The following LINGO2 variants were observed in gnomAD, a reference collection of about 807,000 sequenced individuals.
The protein encoded by LINGO2 is leucine-rich repeat and immunoglobulin-like domain-containing nogo receptor-interacting protein 2.
LINGO2 carries 14 observed loss-of-function variants against 30.6 expected under a neutral mutation model. That is an observed-to-expected ratio of 0.46 (90% CI 0.30 to 0.72). The LOEUF is 0.72. Among genes scored for constraint, LINGO2 ranks in the 30% least tolerant of loss-of-function variants. The pLI, the probability that LINGO2 is intolerant of heterozygous loss-of-function variation, is 0.07. For synonymous variants in LINGO2, 317 were observed against 288.5 expected (o/e 1.10, Z -1.00); for missense variants, 729 against 751.7 (o/e 0.97, Z 0.35).
chr9:28,478,593 T>C (rs952988755), intron 1 of LINGO2, among the ~76,000 whole-genome samples: 1 of 152,224 alleles, frequency 6.6e-6, no homozygotes, highest in Non-Finnish European at 1.5e-5. Context: ...TCCTATTGTA[T>C]ATTTCTGTGT....
At chr9:28,672,505 C>G (rs1829061530), upstream of LINGO2, among the ~76,000 whole-genome samples, 1 of 152,162 alleles carries the variant, frequency 6.6e-6, no homozygotes, top group South Asian at 2.1e-4. Flanking sequence ...ACTTTGCCAC[C>G]ATTGGCTTAC....
At chr9:28,956,573 TCC>T in the LINGO2 span, among the ~76,000 whole-genome samples, 1 of 37,884 alleles carries the variant, frequency 2.6e-5, no homozygotes, top group Admixed American at 3.2e-4. Context: ...CCTTCCTTCC[TCC>T]ATCCCTCCCT....
At chr9:28,191,892 A>C (rs1468690395) in intron 4 of LINGO2, among the ~76,000 whole-genome samples, 2 of 152,056 alleles carry the variant, frequency 1.3e-5, no homozygotes, top group Non-Finnish European at 2.9e-5. Context: ...TGACCACTAA[A>C]TCTGCCCAGT....
the LINGO2 span, among the ~76,000 whole-genome samples, chr9:29,055,940 G>GTATATATATATATGTGTGTATATA: frequency 4.2e-5 from 5 of 119,980 alleles, no homozygotes; most frequent in Admixed American, 8.3e-5. Flanking sequence ...ATGTGTGTGT[G>GTATATATATATATGTGTGTATATA]TATATATACA....
the LINGO2 span, among the ~76,000 whole-genome samples, chr9:28,676,997 A>G: frequency 6.6e-6 from 1 of 152,272 alleles, no homozygotes; most frequent in East Asian, 1.9e-4. Context: ...GTCTTGTACA[A>G]CATTAGCAAA....
the LINGO2 span, among the ~76,000 whole-genome samples, chr9:29,168,808 C>T: frequency 6.6e-6 from 1 of 152,162 alleles, no homozygotes; most frequent in Non-Finnish European, 1.5e-5. Flanking sequence ...TGTGATATCT[C>T]CCACAGGAAA....
intron 4 of LINGO2, among the ~76,000 whole-genome samples, chr9:28,207,988 G>A (rs911731809): frequency 6.6e-6 from 1 of 151,842 alleles, no homozygotes; most frequent in Non-Finnish European, 1.5e-5. Context: ...CTGCTTTTTG[G>A]CTTATGTGAA....
chr9:28,807,806 A>G, the LINGO2 span, among the ~76,000 whole-genome samples: 2 of 152,178 alleles, frequency 1.3e-5, no homozygotes, highest in East Asian at 3.9e-4. Flanking sequence ...TTATCAATTT[A>G]CCAATTTATT....
chr9:28,217,598 C>T (rs1359227816), intron 4 of LINGO2, among the ~76,000 whole-genome samples: 1 of 151,860 alleles, frequency 6.6e-6, no homozygotes, highest in Non-Finnish European at 1.5e-5. Flanking sequence ...ATGTTTTCTT[C>T]ATATTTTTCT....
At chr9:27,984,192 C>G (rs1399483045) in intron 5 of LINGO2, among the ~76,000 whole-genome samples, 12 of 151,782 alleles carry the variant, frequency 7.9e-5, no homozygotes, top group Admixed American at 7.9e-4. Context: ...TTCTTGGTTG[C>G]CTGGGTTGTA....
chr9:29,014,064 AT>A, the LINGO2 span, among the ~76,000 whole-genome samples: 3 of 151,330 alleles, frequency 2.0e-5, no homozygotes, highest in Non-Finnish European at 2.9e-5. Flanking sequence ...AAATCCATTC[AT>A]TTTTTTTCTG....
chr9:29,079,556 T>C, the LINGO2 span, among the ~76,000 whole-genome samples: 3 of 152,006 alleles, frequency 2.0e-5, no homozygotes, highest in Admixed American at 1.3e-4. Context: ...AGTAGGCCAA[T>C]ATCATATATT....
the LINGO2 span, among the ~76,000 whole-genome samples, chr9:29,158,680 C>T: frequency 1.8e-4 from 27 of 152,260 alleles, no homozygotes; most frequent in East Asian, 5.2e-3. Context: ...GCCATTACCA[C>T]ATTTTTCCCA....
chr9:28,764,507 G>A, the LINGO2 span, among the ~76,000 whole-genome samples: 1 of 151,872 alleles, frequency 6.6e-6, no homozygotes, highest in African/African-American at 2.4e-5. Context: ...AATTACCCCA[G>A]CACAGTAAAG....
chr9:28,720,400 C>T, the LINGO2 span, among the ~76,000 whole-genome samples: 8 of 152,012 alleles, frequency 5.3e-5, no homozygotes, highest in Non-Finnish European at 1.2e-4. Context: ...GCTTTTCTAA[C>T]CTCCTTTGCA....
chr9:28,689,577 G>A, the LINGO2 span, among the ~76,000 whole-genome samples: 1 of 152,072 alleles, frequency 6.6e-6, no homozygotes, highest in African/African-American at 2.4e-5. Context: ...GTAAGGTTGT[G>A]GAGAAAAAGG....
chr9:28,422,343 G>T (rs1823229103), intron 2 of LINGO2, among the ~76,000 whole-genome samples: 1 of 151,860 alleles, frequency 6.6e-6, no homozygotes, highest in Non-Finnish European at 1.5e-5. Context: ...CTGATTTTTT[G>T]AAAGAATGGG....
the LINGO2 span, among the ~76,000 whole-genome samples, chr9:29,147,762 T>C: frequency 6.6e-6 from 1 of 152,114 alleles, no homozygotes; most frequent in South Asian, 2.1e-4. Flanking sequence ...TATAGCTATA[T>C]TGTTCATTAC....
intron 1 of LINGO2, among the ~76,000 whole-genome samples, chr9:28,482,034 T>C (rs1825991772): frequency 1.3e-5 from 2 of 152,166 alleles, no homozygotes; most frequent in South Asian, 4.1e-4. Context: ...TGTTAGACAT[T>C]TGGGTTGGTT....
Sources: allele counts gnomAD v4.1 joint callset (sites outside exome capture counted in the v4.1 genomes callset), GRCh38; gene constraint gnomAD v4.1.1; transcripts MANE v1.5; gene names NCBI Gene and HGNC (gene_info 2026-07-23, HGNC 2026-07-21).